ATP2C1: variants seen among roughly 807,000 people sequenced by gnomAD.
ATP2C1 encodes the protein ATPase secretory pathway Ca2+ transporting 1, also known as calcium-transporting ATPase type 2C member 1.
In ATP2C1, 31 loss-of-function variants were observed where a neutral mutation model predicts 120.5. The observed-to-expected ratio is 0.26, with a 90% CI of 0.19 to 0.35. The LOEUF is 0.35. ATP2C1 is among the 10% of genes least tolerant of loss of function. ATP2C1 has a pLI of 1.00. For missense variants in ATP2C1, 731 were observed against 1,107.5 expected (o/e 0.66, Z 4.83); for synonymous variants, 351 against 358.7 (o/e 0.98, Z 0.24).
At chr3:130,984,728 C>T (rs1385367484) in intron 20 of ATP2C1, among the ~76,000 whole-genome samples, 1 of 151,860 alleles carries the variant, frequency 6.6e-6, no homozygotes, top group Non-Finnish European at 1.5e-5. Flanking sequence ...GATCAAAATC[C>T]TAAAAATCTA....
intron 1 of ATP2C1, among the ~76,000 whole-genome samples, chr3:130,851,183 C>T (rs1431032878): frequency 6.6e-6 from 1 of 152,198 alleles, no homozygotes. Context: ...TAAAGAGCTA[C>T]TCTATCAAAG....
intron 20 of ATP2C1, among the ~76,000 whole-genome samples, chr3:130,992,382 A>C (rs959159725): frequency 6.6e-6 from 1 of 152,260 alleles, no homozygotes; most frequent in Non-Finnish European, 1.5e-5. Flanking sequence ...AAACGATTTT[A>C]GATCAGGAGA....
chr3:130,879,141 T>C (rs1463876733), intron 1 of ATP2C1, among the ~76,000 whole-genome samples: 2 of 152,174 alleles, frequency 1.3e-5, no homozygotes, highest in African/African-American at 4.8e-5. Context: ...CTGCTACCTC[T>C]GCCTCCTGGG....
At chr3:130,987,953 G>A (rs938455345) in intron 20 of ATP2C1, among the ~76,000 whole-genome samples, 1 of 152,156 alleles carries the variant, frequency 6.6e-6, no homozygotes, top group Admixed American at 6.5e-5. Flanking sequence ...TTTTTCTAGT[G>A]TGTCCTACAT....
At chr3:130,883,649 G>A (rs1280822152) in intron 1 of ATP2C1, among the ~76,000 whole-genome samples, 7 of 151,852 alleles carry the variant, frequency 4.6e-5, no homozygotes, top group Admixed American at 6.6e-5. Context: ...ACAGGGTTTC[G>A]CCATGTTGTC....
At chr3:130,854,965 C>G (rs115533674) in intron 1 of ATP2C1, among the ~76,000 whole-genome samples, 1 of 152,188 alleles carries the variant, frequency 6.6e-6, no homozygotes, top group Non-Finnish European at 1.5e-5. Flanking sequence ...CAAACATGCT[C>G]CTCCCCAGGT....
intron 9 of ATP2C1, among the ~76,000 whole-genome samples, chr3:130,954,329 A>C (rs766399829): frequency 4.6e-5 from 7 of 152,320 alleles, no homozygotes; most frequent in African/African-American, 9.6e-5. Context: ...TCGATTTCAA[A>C]TGCTTCCTTT....
intron 2 of ATP2C1, among the ~76,000 whole-genome samples, chr3:130,913,124 A>G (rs1316179127): frequency 6.8e-6 from 1 of 147,360 alleles, no homozygotes; most frequent in South Asian, 2.3e-4. Flanking sequence ...GAGGGATAGC[A>G]TTGGGAGATA....
intron 8 of ATP2C1, among the ~76,000 whole-genome samples, chr3:130,953,432 G>A (rs1480695872): frequency 1.3e-5 from 2 of 150,850 alleles, no homozygotes; most frequent in Non-Finnish European, 3.0e-5. Flanking sequence ...AGTCATCGTC[G>A]ATGGTTTTAA....
chr3:130,905,536 A>G (rs1157709042), intron 2 of ATP2C1, among the ~76,000 whole-genome samples: 2 of 152,106 alleles, frequency 1.3e-5, no homozygotes, highest in East Asian at 1.9e-4. Context: ...CTAGAGTACA[A>G]TATTTGTCTT....
At chr3:130,980,260 T>C (rs1327208815) in intron 19 of ATP2C1, among the ~76,000 whole-genome samples, 2 of 151,374 alleles carry the variant, frequency 1.3e-5, no homozygotes, top group African/African-American at 4.8e-5. Flanking sequence ...TTTTTTTTTT[T>C]TTTCCTGTAG....
rs1553753684 is a variant in ATP2C1 at position 130,907,101 on chromosome 3, CAT to C, written c.6+12328_6+12329del. 1.1e-3 allele frequency among the ~76,000 whole-genome samples: 169 copies of C among 150,266 alleles called. 1 individual carries two copies. The highest frequency in any genetic ancestry group is 3.5e-3 in the African/African-American group (142 of 40,890). On this transcript the variant is annotated intron_variant, in intron 2 of 27. Transcript: ENST00000510168. ...GTGTACACACACACACACACACACA[CAT>C]ACGTTTATTCTGGATACTGGATAGG... is the stretch of plus-strand genomic sequence containing the variant.
At chr3:130,935,680 A>G (rs1449012469) in intron 5 of ATP2C1, among the ~76,000 whole-genome samples, 1 of 152,218 alleles carries the variant, frequency 6.6e-6, no homozygotes, top group Admixed American at 6.5e-5. Flanking sequence ...CACAAAAACA[A>G]TGGCAGGTGA....
At chr3:130,887,784 G>C (rs1049013567) in intron 1 of ATP2C1, among the ~76,000 whole-genome samples, 7 of 152,184 alleles carry the variant, frequency 4.6e-5, no homozygotes, top group Admixed American at 2.0e-4. Flanking sequence ...GTTAGGCCTG[G>C]GATTGGGGAC....
chr3:130,930,288 G>A (rs1296575728), intron 2 of ATP2C1, 128 bp from the exon 3 acceptor site: 2 of 708,154 alleles, frequency 2.8e-6, no homozygotes, highest in East Asian at 2.7e-5. Flanking sequence ...GACTAGCTAC[G>A]TAATTAGTCT....
intron 1 of ATP2C1, among the ~76,000 whole-genome samples, chr3:130,883,093 A>G (rs1359339880): frequency 6.6e-6 from 1 of 152,138 alleles, no homozygotes; most frequent in Non-Finnish European, 1.5e-5. Context: ...GTGTCTAGGA[A>G]TTTACCCATT....
chr3:130,859,531 C>T (rs149558337), intron 1 of ATP2C1, among the ~76,000 whole-genome samples: 2 of 152,268 alleles, frequency 1.3e-5, no homozygotes, highest in East Asian at 3.9e-4. Flanking sequence ...GGCACTTTAA[C>T]CACTGTTGTT....
At chr3:130,944,068 C>T (rs1221363925) in intron 8 of ATP2C1, among the ~76,000 whole-genome samples, 1 of 152,226 alleles carries the variant, frequency 6.6e-6, no homozygotes, top group Non-Finnish European at 1.5e-5. Context: ...TTTGGGATAT[C>T]ACTAATTTCT....
In ATP2C1 at chr3:130,975,367, C is replaced by T. The variant is rs1307218594; in HGVS notation, c.1449C>T (p.Tyr483=). The change falls in exon 18 of 28, where the codon TAC becomes TAT. Residue 483 remains tyrosine (Y), a synonymous_variant. Transcript: ENST00000510168. ...RPEICFMKGA[Y]EQVIKYCTTY... ...AGATTTGTTTTATGAAAGGTGCTTACGAACAAGTAATTAAGTACTGTACTA... is the reference window on the plus strand; with the variant it reads ...AGATTTGTTTTATGAAAGGTGCTTATGAACAAGTAATTAAGTACTGTACTA... 15 of 1,613,710 alleles carry T rather than the reference C, an allele frequency of 9.3e-6. No homozygotes were observed. Among genetic ancestry groups the T allele is most frequent in the East Asian group, 2.2e-5 (1 of 44,860 alleles).
Sources: allele counts gnomAD v4.1 joint callset (sites outside exome capture counted in the v4.1 genomes callset), GRCh38; gene constraint gnomAD v4.1.1; transcripts MANE v1.5; gene names NCBI Gene and HGNC (gene_info 2026-07-23, HGNC 2026-07-21).